Variants in ARPC3 observed in about 807,000 individuals in gnomAD.
ARPC3 encodes the protein actin-related protein 2/3 complex subunit 3.
ARPC3 carries 12 observed loss-of-function variants against 27.6 expected under a neutral mutation model. The observed-to-expected ratio is 0.43, with a 90% CI of 0.28 to 0.70. The LOEUF (loss-of-function observed/expected upper bound fraction) is 0.70, where lower values mean the gene tolerates loss of function less well. ARPC3 is among the 30% of genes least tolerant of loss of function. ARPC3 has a pLI of 0.17. For synonymous variants in ARPC3, 53 were observed against 67.2 expected, an observed-to-expected ratio of 0.79 and a Z score of 1.03; for missense variants, 153 against 207.7, an observed-to-expected ratio of 0.74 and a Z score of 1.62.
In ARPC3 at chr12:110,436,214, A is replaced by G. The variant is rs202063357; in HGVS notation, c.380-10T>C. The G allele has an allele frequency of 2.5e-6, 4 of 1,604,870 alleles. No individual in the cohort carries two copies. The East Asian group carries it at 6.7e-5, about 27-fold the overall frequency. ...TAGGCTCTCATCACTTCTAAAACAG[A>G]ACAATTTAAAAAAAACTGTATTTGC... is the stretch of plus-strand genomic sequence containing the variant. On this transcript the variant is annotated splice_polypyrimidine_tract_variant and intron_variant, in intron 5 of 6. Coordinates refer to ENST00000228825, the MANE Select transcript of ARPC3 (RefSeq NM_001278556.2).
In ARPC3 at chr12:110,435,103, T is replaced by C. The variant is rs2062394932; in HGVS notation, c.*52A>G. ...TAAAGGCAAAAGATTGTGTACATCT[T>C]GCTGGAAAATGCTGCCCAGGGCTCT... On this transcript the variant is annotated 3_prime_UTR_variant, in exon 7 of 7. Transcript: ENST00000228825. The C allele has an allele frequency of 2.2e-6, 3 of 1,381,280 alleles. No individual in the cohort carries two copies. Among genetic ancestry groups the C allele is most frequent in the Admixed American group, 1.7e-5 (1 of 59,582 alleles). 85.6% of individuals were successfully genotyped at this position (1,381,280 alleles called of 1,614,324 possible).
chr12:110,446,635 G>A (rs2062466204), intron 1 of ARPC3, among the ~76,000 whole-genome samples: 2 of 140,574 alleles, frequency 1.4e-5, no homozygotes, highest in South Asian at 4.5e-4. Context: ...TTGAGACGGA[G>A]TCTTGCCCTG....
Position 110,448,234 on chromosome 12 carries a change from T to G in ARPC3, c.6+2021A>C, listed in dbSNP as rs572609190. On this transcript the variant is annotated intron_variant, in intron 1 of 6. Coordinates refer to ENST00000228825, the MANE Select transcript of ARPC3 (RefSeq NM_001278556.2). ...CATTACTAGGCAACCTTGTCCAAAT[T>G]AACTTCTCTGAGGCTCCGTTTCCTC... 3.3e-5 allele frequency among the ~76,000 whole-genome samples: 5 copies of G among 152,230 alleles called. No individual in the cohort carries two copies. In the East Asian group the frequency reaches 7.7e-4, roughly 24 times the overall value.
intron 1 of ARPC3, among the ~76,000 whole-genome samples, chr12:110,447,066 C>G (rs988578976): frequency 6.6e-6 from 1 of 152,128 alleles, no homozygotes; most frequent in African/African-American, 2.4e-5. Flanking sequence ...TACAGAAAGA[C>G]AAACATCATA....
chr12:110,446,133 C>A (rs1592955185), intron 1 of ARPC3, among the ~76,000 whole-genome samples: 2 of 147,616 alleles, frequency 1.4e-5, no homozygotes, highest in African/African-American at 2.5e-5. Flanking sequence ...ATGTTAAAAA[C>A]AATGATGCTT....
At chr12:110,435,322 CTT>C (rs372540827) in intron 6 of ARPC3, 105 bp from the exon 7 acceptor site, 7,646 of 661,534 alleles carry the variant, frequency 0.012, no homozygotes, top group East Asian at 0.016. Context: ...CTCTTATAAA[CTT>C]TTTTTTTTTT....
At chr12:110,435,317 A>C in intron 6 of ARPC3, 100 bp from the exon 7 acceptor site, 1 of 914,292 alleles carries the variant, frequency 1.1e-6, no homozygotes, top group South Asian at 1.5e-5. Flanking sequence ...GGAATCTCTT[A>C]TAAACTTTTT....
intron 2 of ARPC3, among the ~76,000 whole-genome samples, chr12:110,442,275 A>T (rs1188989056): frequency 6.6e-6 from 1 of 152,202 alleles, no homozygotes; most frequent in Non-Finnish European, 1.5e-5. Context: ...TTATAAAAAA[A>T]CACTGAGACA....
In ARPC3 at chr12:110,436,591, T is replaced by C; in HGVS notation, c.345A>G (p.Ala115=). 6 of 1,613,612 alleles carry C rather than the reference T, an allele frequency of 3.7e-6. No homozygotes were observed. The highest frequency in any genetic ancestry group is 5.1e-6 in the Non-Finnish European group (6 of 1,179,738). Reference sequence around the variant, plus strand: ...GTTTGTTTGCAGGTTTGGCATAAATTGCGTTAAGTGGAAAACCAGGCTCTC... The same window carrying C: ...GTTTGTTTGCAGGTTTGGCATAAATCGCGTTAAGTGGAAAACCAGGCTCTC... ...IPGEPGFPLN[A]IYAKPANKQE... Residue 115 remains alanine (A), a synonymous_variant, in exon 5 of 7, where the codon GCA becomes GCG. Transcript: ENST00000228825.
intron 6 of ARPC3, 82 bp from the exon 7 acceptor site, chr12:110,435,299 A>G (rs555801117): frequency 1.9e-6 from 2 of 1,065,134 alleles, no homozygotes; most frequent in African/African-American, 3.1e-5. Flanking sequence ...AAAATTTCAC[A>G]TTAGTCTGGA....
rs549337738 is a variant in ARPC3 at position 110,440,663 on chromosome 12, C to T, written c.107-275G>A. ...CCGGGTTCACGCCATTCTCCTGCCT[C>T]AGCCTCCTGAGTAGCTGGGGCTACA... On this transcript the variant is annotated intron_variant, in intron 2 of 6. Coordinates refer to ENST00000228825, the MANE Select transcript of ARPC3 (RefSeq NM_001278556.2). Among the ~76,000 whole-genome samples the T allele has an allele frequency of 5.7e-4, 87 of 151,328 alleles. 1 individual carries two copies. The South Asian group carries it at 0.017, about 29-fold the overall frequency.
At position 110,439,744 on chromosome 12, in the gene ARPC3, G is replaced by A. The variant is rs771939115; in HGVS notation, c.183+568C>T. On this transcript the variant is annotated intron_variant, in intron 3 of 6. Transcript: ENST00000228825. ...AGCTACCTGGGAGGCTGAGGCAGGAGGACTGTCTGAGCCCAGGAGGTTGAC... is the reference window on the plus strand; with the variant it reads ...AGCTACCTGGGAGGCTGAGGCAGGAAGACTGTCTGAGCCCAGGAGGTTGAC... Among the ~76,000 whole-genome samples, 35 of 152,200 alleles carry A rather than the reference G, an allele frequency of 2.3e-4. 1 individual carries two copies. Among genetic ancestry groups the A allele is most frequent in the Non-Finnish European group, 3.1e-4 (21 of 68,038 alleles).
chr12:110,446,653 G>C (rs901863085), intron 1 of ARPC3, among the ~76,000 whole-genome samples: 8 of 145,356 alleles, frequency 5.5e-5, no homozygotes, highest in African/African-American at 2.1e-4. Context: ...CTGTCGCCCA[G>C]GATGGAGTGC....
At chr12:110,442,262 C>G (rs1469673348) in intron 2 of ARPC3, among the ~76,000 whole-genome samples, 1 of 152,110 alleles carries the variant, frequency 6.6e-6, no homozygotes, top group African/African-American at 2.4e-5. Context: ...TCTCTCAATG[C>G]ATTTATAAAA....
rs549510646 is a variant in ARPC3 at position 110,450,289 on chromosome 12, G to A, written c.-29C>T. 4.3e-6 allele frequency: 7 copies of A among 1,613,968 alleles called. No homozygotes were observed. The highest frequency in any genetic ancestry group is 1.7e-5 in the Admixed American group (1 of 60,002). ...GGCGGCGCCCGGGTTTCAACCCAGA[G>A]GAGCAGGATCCAGGTACAGCGGAGC... On this transcript the variant is annotated 5_prime_UTR_variant, in exon 1 of 7. Coordinates refer to ENST00000228825, the MANE Select transcript of ARPC3 (RefSeq NM_001278556.2).
Position 110,445,458 on chromosome 12 carries a change from T to C in ARPC3, c.100A>G (p.Arg34Gly), listed in dbSNP as rs1003062189. 8 of 1,606,190 alleles carry C rather than the reference T, an allele frequency of 5.0e-6. No individual in the cohort carries two copies. In the Admixed American group the frequency reaches 8.3e-5, roughly 17 times the overall value. The change falls in exon 2 of 7, where the codon AGA becomes GGA. Residue 34 changes from arginine (R) to glycine (G), a missense_variant. Physicochemically the swap from Arg to Gly is moderately radical, Grantham distance 125. Coordinates refer to ENST00000228825, the MANE Select transcript of ARPC3 (RefSeq NM_001278556.2). ...ATAATGGGTTTAGACTTACTCTCTC[T>C]GGGGGCAGGTCCTTTGAATTGACTT... ...IRSQFKGPAPRETKDTDIVDE... is the reference protein window; with the variant it reads ...IRSQFKGPAPGETKDTDIVDE...
At chr12:110,435,249 C>G (rs749486124) in intron 6 of ARPC3, 32 bp from the exon 7 acceptor site, 1 of 1,524,226 alleles carries the variant, frequency 6.6e-7, no homozygotes, top group South Asian at 1.1e-5. Context: ...GAATGAACAG[C>G]GGGGTCAAAT....
At chr12:110,438,310 A>C (rs1012927583) in intron 3 of ARPC3, among the ~76,000 whole-genome samples, 2 of 149,470 alleles carry the variant, frequency 1.3e-5, no homozygotes, top group African/African-American at 4.9e-5. Flanking sequence ...TAAAAAAAAA[A>C]AAAAAAAGGC....
Position 110,438,116 on chromosome 12 carries a change from C to T in ARPC3, c.184-964G>A, listed in dbSNP as rs1382200704. On this transcript the variant is annotated intron_variant, in intron 3 of 6. Coordinates refer to ENST00000228825, the MANE Select transcript of ARPC3 (RefSeq NM_001278556.2). ...TTTGAGACCAGCCTGGGCAACATGG[C>T]GAAACACCGTCTCTACTAAAAATAC... Among the ~76,000 whole-genome samples, 7 of 151,300 alleles carry T rather than the reference C, an allele frequency of 4.6e-5. No homozygotes were observed. The East Asian group carries it at 5.9e-4, about 13-fold the overall frequency.
Sources: gnomAD v4.1 joint callset for allele counts (sites outside exome capture counted in the v4.1 genomes callset) on GRCh38, gnomAD v4.1.1 for gene constraint, MANE v1.5 for transcripts, NCBI Gene and HGNC (gene_info 2026-07-23, HGNC 2026-07-21) for gene names.